Variants in SVIL observed in about 807,000 individuals in gnomAD.
SVIL encodes supervillin.
SVIL carries 101 observed loss-of-function variants against 240.4 expected under a neutral mutation model. The ratio of observed to expected loss-of-function variants is 0.42; its 90% CI spans 0.36 to 0.50. The LOEUF (loss-of-function observed/expected upper bound fraction) is 0.50. Ranked by LOEUF, SVIL falls within the 20% of genes least tolerant of loss-of-function variation. SVIL has a pLI of 0.01. For missense variants in SVIL, 2,512 were observed against 2,818.7 expected (o/e 0.89, Z 2.46); for synonymous variants, 999 against 1,100.0 (o/e 0.91, Z 1.82).
chr10:29,610,246 A>G (rs1158703690), intron 1 of SVIL, among the ~76,000 whole-genome samples: 1 of 151,954 alleles, frequency 6.6e-6, no homozygotes, highest in Non-Finnish European at 1.5e-5. Context: ...CCTCGCTGCC[A>G]TCATTGCAGA....
At chr10:29,659,930 G>T (rs557884931) in intron 2 of SVIL, among the ~76,000 whole-genome samples, 1 of 152,136 alleles carries the variant, frequency 6.6e-6, no homozygotes, top group Non-Finnish European at 1.5e-5. Context: ...CCTCCTTAGG[G>T]CTCCAAACTG....
chr10:29,647,705 C>T (rs368077061), intron 3 of SVIL, among the ~76,000 whole-genome samples: 8 of 151,696 alleles, frequency 5.3e-5, no homozygotes, highest in Non-Finnish European at 1.5e-5. Flanking sequence ...AGGTGTATTT[C>T]GAGTCTTCCA....
At chr10:29,609,184 A>G (rs1422743187) in intron 1 of SVIL, among the ~76,000 whole-genome samples, 1 of 152,228 alleles carries the variant, frequency 6.6e-6, no homozygotes, top group Non-Finnish European at 1.5e-5. Flanking sequence ...ACACAGGACA[A>G]GAACTCAGGA....
intron 3 of SVIL, chr10:29,647,188 T>G (rs1958686652): frequency 6.6e-6 from 1 of 152,204 alleles, no homozygotes; most frequent in Non-Finnish European, 1.5e-5. Flanking sequence ...TTGGCCTTTT[T>G]CTGAAACCTT....
chr10:29,554,862 T>G lies in SVIL; in HGVS notation c.81A>C (p.Thr27=). 1.2e-6 allele frequency: 2 copies of G among 1,613,914 alleles called. No homozygotes were observed. The highest frequency in any genetic ancestry group is 2.2e-5 in the South Asian group (2 of 91,024). Residue 27 remains threonine, a synonymous_variant, in exon 5 of 38, where the codon ACA becomes ACC. Transcript: ENST00000355867. ...DTQPILLQSC[T]GLVTHRLLEE... is the part of the protein sequence containing the mutation. The stretch of plus-strand genomic sequence containing the variant: ...CCAGCAGGCGGTGAGTCACCAATCC[T>G]GTGCAGCTCTGCAAGAGGATGGGCT...
In SVIL at chr10:29,686,026, T is replaced by C. The variant is rs114839320; in HGVS notation, c.-301+527A>G. On this transcript the variant is annotated intron_variant, in intron 2 of 35. Transcript: ENST00000375400. Reference sequence around the variant, plus strand: ...TCTGTTTCTTTATATCTTCCACCCATTGGCCCTAGGACCAATTTGCCTAAC... The same window carrying C: ...TCTGTTTCTTTATATCTTCCACCCACTGGCCCTAGGACCAATTTGCCTAAC... Among the ~76,000 whole-genome samples the C allele has an allele frequency of 9.2e-3, 1,397 of 152,324 alleles. 17 individuals are homozygous for C. Among genetic ancestry groups the C allele is most frequent in the African/African-American group, 0.032 (1,317 of 41,582 alleles).
chr10:29,659,175 T>C (rs1254260462), intron 2 of SVIL, among the ~76,000 whole-genome samples: 1 of 152,182 alleles, frequency 6.6e-6, no homozygotes, highest in African/African-American at 2.4e-5. Flanking sequence ...ACTCGAGGGT[T>C]GACACTCTGT....
At chr10:29,560,914 C>T (rs1032120949) in intron 3 of SVIL, among the ~76,000 whole-genome samples, 4 of 147,588 alleles carry the variant, frequency 2.7e-5, no homozygotes, top group Non-Finnish European at 5.9e-5. Flanking sequence ...TCTTGGCTCA[C>T]GGCAACCTCC....
intron 3 of SVIL, among the ~76,000 whole-genome samples, chr10:29,558,500 A>AT (rs1954143285): frequency 6.6e-6 from 1 of 152,134 alleles, no homozygotes; most frequent in Non-Finnish European, 1.5e-5. Flanking sequence ...CAGAAACGGG[A>AT]TTATAAGAAA....
intron 3 of SVIL, among the ~76,000 whole-genome samples, chr10:29,647,700 T>C (rs1388662921): frequency 6.6e-6 from 1 of 151,992 alleles, no homozygotes; most frequent in Non-Finnish European, 1.5e-5. Flanking sequence ...TACAAAGGTG[T>C]ATTTCGAGTC....
At chr10:29,598,033 G>A (rs994348626) in intron 1 of SVIL, among the ~76,000 whole-genome samples, 2 of 152,072 alleles carry the variant, frequency 1.3e-5, no homozygotes, top group Non-Finnish European at 2.9e-5. Context: ...TCAACAAAAC[G>A]TGGTGTATCT....
intron 1 of SVIL, among the ~76,000 whole-genome samples, chr10:29,690,113 G>A (rs1290618593): frequency 6.6e-6 from 1 of 152,140 alleles, no homozygotes; most frequent in Non-Finnish European, 1.5e-5. Context: ...TCTTTATGCT[G>A]TGATGTAAAT....
At chr10:29,583,380 C>G (rs1956031094) in intron 1 of SVIL, among the ~76,000 whole-genome samples, 1 of 152,168 alleles carries the variant, frequency 6.6e-6, no homozygotes, top group Non-Finnish European at 1.5e-5. Context: ...TCACTGCAGC[C>G]TCGACCTCCT....
chr10:29,680,153 C>T (rs1316849865), intron 2 of SVIL, among the ~76,000 whole-genome samples: 1 of 152,144 alleles, frequency 6.6e-6, no homozygotes, highest in African/African-American at 2.4e-5. Context: ...CTACTGCATT[C>T]CAGCCTGGGT....
chr10:29,503,457 G>A (rs1564529618), intron 17 of SVIL, among the ~76,000 whole-genome samples: 1 of 152,206 alleles, frequency 6.6e-6, no homozygotes, highest in African/African-American at 2.4e-5. Context: ...GACAGAGCCT[G>A]TGTGCTTTTT....
At chr10:29,673,362 T>A (rs1008612098) in intron 2 of SVIL, among the ~76,000 whole-genome samples, 2 of 147,450 alleles carry the variant, frequency 1.4e-5, no homozygotes, top group Non-Finnish European at 3.0e-5. Context: ...TAATGAATAC[T>A]TTTTTTTTTT....
At chr10:29,466,518 C>T (rs112708776) in intron 33 of SVIL, among the ~76,000 whole-genome samples, 2 of 152,142 alleles carry the variant, frequency 1.3e-5, no homozygotes, top group African/African-American at 4.8e-5. Context: ...GAATTCCTCT[C>T]AATTAGGAAT....
At chr10:29,651,194 C>T (rs1958823103) in intron 3 of SVIL, among the ~76,000 whole-genome samples, 1 of 152,122 alleles carries the variant, frequency 6.6e-6, no homozygotes, top group African/African-American at 2.4e-5. Flanking sequence ...CATTCATACC[C>T]AGAAGGGCTG....
chr10:29,651,692 A>G (rs72804831), intron 3 of SVIL, among the ~76,000 whole-genome samples: 5,590 of 149,592 alleles, frequency 0.037, 194 homozygotes, highest in Admixed American at 0.093. Context: ...TCTAAATGTT[A>G]TCTCCAGTCT....
Sources: allele counts gnomAD v4.1 joint callset (sites outside exome capture counted in the v4.1 genomes callset), GRCh38; gene constraint gnomAD v4.1.1; transcripts MANE v1.5; gene names NCBI Gene and HGNC (gene_info 2026-07-23, HGNC 2026-07-21).